The following EPB41L3 variants were observed in gnomAD, a reference collection of about 807,000 sequenced individuals.
EPB41L3 encodes band 4.1-like protein 3.
Under a neutral mutation model 127.1 loss-of-function variants are expected in EPB41L3, and 57 were observed. The observed-to-expected ratio is 0.45, with a 90% CI of 0.36 to 0.56. EPB41L3 has a LOEUF of 0.56. Among genes scored for constraint, EPB41L3 ranks in the 20% least tolerant of loss-of-function variants. The pLI, the probability that EPB41L3 is intolerant of heterozygous loss-of-function variation, is 0.00. For missense variants in EPB41L3, 1,273 were observed against 1,372.2 expected (o/e 0.93, Z 1.14); for synonymous variants, 572 against 549.5 (o/e 1.04, Z -0.57).
chr18:5,459,393 CTCTT>C (rs1041060312), intron 3 of EPB41L3, among the ~76,000 whole-genome samples: 1 of 118,486 alleles, frequency 8.4e-6, no homozygotes, highest in Admixed American at 9.6e-5. Context: ...GTCCATTGGT[CTCTT>C]TTTTTTTTTG....
chr18:5,416,511 G>T, intron 12 of EPB41L3, 133 bp from the exon 13 acceptor site: 1 of 903,140 alleles, frequency 1.1e-6, no homozygotes, highest in Non-Finnish European at 1.6e-6. Context: ...TAGCACTAGG[G>T]TTGCTCATGA....
chr18:5,522,473 C>A (rs1449201991), intron 1 of EPB41L3, among the ~76,000 whole-genome samples: 1 of 152,130 alleles, frequency 6.6e-6, no homozygotes, highest in Non-Finnish European at 1.5e-5. Context: ...TAAAGTCAAT[C>A]TGTATCTATA....
At chr18:5,504,231 A>G (rs965706607) in intron 1 of EPB41L3, among the ~76,000 whole-genome samples, 2 of 152,144 alleles carry the variant, frequency 1.3e-5, no homozygotes, top group African/African-American at 4.8e-5. Context: ...CAACTCCACA[A>G]AACCTTGCTG....
intron 1 of EPB41L3, among the ~76,000 whole-genome samples, chr18:5,528,378 T>G (rs1308423015): frequency 1.3e-5 from 2 of 151,860 alleles, no homozygotes; most frequent in Non-Finnish European, 2.9e-5. Context: ...GTCTCACTAT[T>G]TTGCTCAAGC....
intron 1 of EPB41L3, among the ~76,000 whole-genome samples, chr18:5,494,898 C>T (rs2091002623): frequency 1.3e-5 from 2 of 152,106 alleles, no homozygotes; most frequent in African/African-American, 4.8e-5. Flanking sequence ...CTGACCCTCG[C>T]TAAGGAGACA....
At chr18:5,587,479 G>A (rs1040685412) in intron 3 of EPB41L3, among the ~76,000 whole-genome samples, 2 of 152,146 alleles carry the variant, frequency 1.3e-5, no homozygotes, top group Non-Finnish European at 1.5e-5. Context: ...AGGTATGTAT[G>A]TATAGGAAAA....
chr18:5,612,097 A>G (rs1349453673), intron 3 of EPB41L3, among the ~76,000 whole-genome samples: 1 of 152,196 alleles, frequency 6.6e-6, no homozygotes, highest in African/African-American at 2.4e-5. Context: ...GGCAAAAAAA[A>G]AAAAAACCAC....
At chr18:5,476,987 T>C (rs1165804598) in intron 3 of EPB41L3, among the ~76,000 whole-genome samples, 2 of 152,210 alleles carry the variant, frequency 1.3e-5, no homozygotes, top group African/African-American at 4.8e-5. Context: ...ACAGACTAAA[T>C]AATTTTTGAT....
chr18:5,492,562 G>C (rs1568413046), intron 1 of EPB41L3, among the ~76,000 whole-genome samples: 1 of 152,018 alleles, frequency 6.6e-6, no homozygotes, highest in Non-Finnish European at 1.5e-5. Context: ...GTTTTCCAAG[G>C]TTCCCTTCTC....
chr18:5,483,252 A>C (rs927912829), intron 2 of EPB41L3, among the ~76,000 whole-genome samples: 1 of 152,096 alleles, frequency 6.6e-6, no homozygotes, highest in Non-Finnish European at 1.5e-5. Flanking sequence ...TTTGTGATCT[A>C]AGATAAGTTG....
chr18:5,432,092 G>A (rs867685713), intron 8 of EPB41L3, among the ~76,000 whole-genome samples: 7 of 152,096 alleles, frequency 4.6e-5, no homozygotes, highest in Admixed American at 6.5e-5. Context: ...AGAGTGATCC[G>A]CGGCAAAACC....
chr18:5,590,356 G>A (rs1412953808), intron 3 of EPB41L3, among the ~76,000 whole-genome samples: 1 of 152,150 alleles, frequency 6.6e-6, no homozygotes, highest in Non-Finnish European at 1.5e-5. Flanking sequence ...CTGGGCCACT[G>A]TATGTGTATT....
intron 5 of EPB41L3, among the ~76,000 whole-genome samples, chr18:5,442,044 C>T (rs2080860440): frequency 6.6e-6 from 1 of 151,982 alleles, no homozygotes; most frequent in Admixed American, 6.6e-5. Flanking sequence ...ATGACTTATC[C>T]TTGAACATTT....
At chr18:5,423,345 C>G in intron 11 of EPB41L3, 33 bp downstream of exon 11, 1 of 1,570,340 alleles carries the variant, frequency 6.4e-7, no homozygotes, top group Non-Finnish European at 8.7e-7. Context: ...GGGGTAGGTA[C>G]TAGGTTATTA....
chr18:5,508,034 C>T (rs2092312061), intron 1 of EPB41L3: 1 of 152,074 alleles, frequency 6.6e-6, no homozygotes, highest in African/African-American at 2.4e-5. Context: ...AGGACTTTCT[C>T]AGGAGGGAGA....
At chr18:5,561,570 T>A (rs549662964) in intron 3 of EPB41L3, among the ~76,000 whole-genome samples, 1 of 152,240 alleles carries the variant, frequency 6.6e-6, no homozygotes, top group African/African-American at 2.4e-5. Context: ...ATAGACTAAT[T>A]CCAATTAATA....
At chr18:5,592,338 T>C (rs1318058440) in intron 3 of EPB41L3, among the ~76,000 whole-genome samples, 1 of 152,146 alleles carries the variant, frequency 6.6e-6, no homozygotes, top group African/African-American at 2.4e-5. Flanking sequence ...GGCTAATTTT[T>C]GTACTTTTAG....
chr18:5,417,809 T>C (rs1035746323), intron 12 of EPB41L3, among the ~76,000 whole-genome samples: 2 of 152,164 alleles, frequency 1.3e-5, no homozygotes, highest in Non-Finnish European at 2.9e-5. Flanking sequence ...GACGGCACTT[T>C]AAACAGGAAC....
intron 3 of EPB41L3, among the ~76,000 whole-genome samples, chr18:5,582,847 G>A (rs2094406285): frequency 6.6e-6 from 1 of 152,224 alleles, no homozygotes; most frequent in African/African-American, 2.4e-5. Flanking sequence ...CATAGTGTCA[G>A]TGCAAACTTA....
Sources: gnomAD v4.1 joint callset for allele counts (sites outside exome capture counted in the v4.1 genomes callset) on GRCh38, gnomAD v4.1.1 for gene constraint, MANE v1.5 for transcripts, NCBI Gene and HGNC (gene_info 2026-07-23, HGNC 2026-07-21) for gene names.